The following MORC3 variants were observed in gnomAD, a reference collection of about 807,000 sequenced individuals.
MORC3 encodes MORC family CW-type zinc finger protein 3.
MORC3 carries 31 observed loss-of-function variants against 109.1 expected under a neutral mutation model. That is an observed-to-expected ratio of 0.28 (90% CI 0.21 to 0.38). The LOEUF (loss-of-function observed/expected upper bound fraction) is 0.38, where lower values mean the gene tolerates loss of function less well. Among genes scored for constraint, MORC3 ranks in the 10% least tolerant of loss-of-function variants. The probability of loss-of-function intolerance (pLI) is 1.00; values close to 1 mark genes in which losing one functional copy is unlikely to be tolerated. For missense variants in MORC3, 867 were observed against 1,135.8 expected (o/e 0.76, Z 3.40); for synonymous variants, 395 against 380.7 (o/e 1.04, Z -0.44).
chr21:36,339,965 C>G (rs1208842715), intron 5 of MORC3, among the ~76,000 whole-genome samples: 2 of 152,072 alleles, frequency 1.3e-5, no homozygotes, highest in African/African-American at 4.8e-5. Flanking sequence ...TTCAGTTTCC[C>G]CTGCTGGTAA....
chr21:36,349,563 G>A (rs1051813557), intron 9 of MORC3, among the ~76,000 whole-genome samples, 155 bp downstream of exon 9: 3 of 152,162 alleles, frequency 2.0e-5, no homozygotes, highest in Non-Finnish European at 4.4e-5. Flanking sequence ...ACAATTCCTA[G>A]AATGGAAGAT....
At chr21:36,347,745 C>G (rs1316961688) in intron 8 of MORC3, 1 of 152,140 alleles carries the variant, frequency 6.6e-6, no homozygotes, top group African/African-American at 2.4e-5. Flanking sequence ...CACTGTGCTG[C>G]AAAGTCTGGA....
chr21:36,362,711 G>T (rs1460382802), intron 13 of MORC3, among the ~76,000 whole-genome samples: 1 of 151,992 alleles, frequency 6.6e-6, no homozygotes, highest in African/African-American at 2.4e-5. Flanking sequence ...CTTATATTGT[G>T]TAGTGCTTAG....
chr21:36,375,145 T>C lies in MORC3; in HGVS notation c.2669T>C (p.Leu890Pro), dbSNP rs2085915785. 1.2e-6 allele frequency: 2 copies of C among 1,610,914 alleles called. No homozygotes were observed. Among genetic ancestry groups the C allele is most frequent in the Non-Finnish European group, 1.7e-6 (2 of 1,178,966 alleles). Residue 890 changes from leucine (L) to proline (P), a missense_variant and splice_region_variant, in exon 17 of 17, where the codon CTC (leucine) becomes CCC (proline). By Grantham distance (98) the Leu-to-Pro change is moderately conservative. Transcript: ENST00000400485. Reference sequence around the variant, plus strand: ...AAGTTACATATTTGTATTTGCAGCCTCAAACTCCGATCTCTTCGAGTTAAC... The same window carrying C: ...AAGTTACATATTTGTATTTGCAGCCCCAAACTCCGATCTCTTCGAGTTAAC... The part of the protein sequence containing the change: ...ESVNHMDGES[L>P]KLRSLRVNVG...
chr21:36,362,056 G>A (rs2085723222), intron 12 of MORC3, 127 bp from the exon 13 acceptor site: 8 of 1,001,698 alleles, frequency 8.0e-6, no homozygotes, highest in Non-Finnish European at 1.2e-5. Flanking sequence ...TTCCTGAAGG[G>A]CTTACTGTTG....
At chr21:36,368,465 T>G (rs2085805792) in intron 14 of MORC3, among the ~76,000 whole-genome samples, 1 of 152,198 alleles carries the variant, frequency 6.6e-6, no homozygotes, top group Non-Finnish European at 1.5e-5. Context: ...CAAAGAGATC[T>G]CAATAGTCCA....
Position 36,372,365 on chromosome 21 carries a change from TTTTG to T in MORC3, c.2509-6_2509-3del. 1.3e-6 allele frequency: 2 copies of T among 1,553,852 alleles called. No individual in the cohort carries two copies. The highest frequency in any genetic ancestry group is 1.4e-5 in the African/African-American group (1 of 72,184). On this transcript the variant is annotated splice_region_variant and splice_polypyrimidine_tract_variant and intron_variant, in intron 15 of 16. Transcript: ENST00000400485. ...TTACAGTTATAAAGCTCATTTATAT[TTTTG>T]TTAGGTTGAATTGCTGGAAATGGAA...
chr21:36,330,893 G>GA (rs1480644948), intron 1 of MORC3, among the ~76,000 whole-genome samples: 4 of 152,210 alleles, frequency 2.6e-5, no homozygotes, highest in African/African-American at 7.2e-5. Context: ...GTGTGCTTTA[G>GA]AAAGTCTTGA....
chr21:36,344,844 A>G (rs2085490494), intron 7 of MORC3, 68 bp from the exon 8 acceptor site: 24 of 1,602,214 alleles, frequency 1.5e-5, no homozygotes, highest in Non-Finnish European at 2.0e-5. Context: ...CTTACCAAAT[A>G]ATGAAATAGA....
intron 9 of MORC3, among the ~76,000 whole-genome samples, chr21:36,356,200 A>G (rs921500238): frequency 6.6e-6 from 1 of 152,192 alleles, no homozygotes. Context: ...TTGACTGCAA[A>G]TGAAACCACC....
intron 1 of MORC3, among the ~76,000 whole-genome samples, chr21:36,323,912 G>A (rs1476620228): frequency 6.7e-6 from 1 of 149,056 alleles, no homozygotes; most frequent in African/African-American, 2.5e-5. Flanking sequence ...TTTCGCTCTT[G>A]TTGCCCAGAC....
At chr21:36,329,665 A>G (rs2085291676) in intron 1 of MORC3, among the ~76,000 whole-genome samples, 1 of 152,196 alleles carries the variant, frequency 6.6e-6, no homozygotes, top group South Asian at 2.1e-4. Flanking sequence ...TCAGGCCATG[A>G]CAGGAAGTTG....
At position 36,333,782 on chromosome 21, in the gene MORC3, T is replaced by G. The variant is rs377063458; in HGVS notation, c.112+64T>G. 7.1e-4 allele frequency: 961 copies of G among 1,349,672 alleles called. 8 individuals are homozygous for G. Among genetic ancestry groups the G allele is most frequent in the Non-Finnish European group, 6.3e-4 (616 of 970,230 alleles). 83.6% of individuals were successfully genotyped at this position (1,349,672 alleles called of 1,614,324 possible). A position where few individuals can be genotyped will look rare whatever the true frequency, so the allele number is the denominator to read the frequency against. ...CAATTGTAGTGTTTTTTTTTTTGTTTTGTTTTGTTTTTTTTTTTTAAACAG... is the reference window on the plus strand; with the variant it reads ...CAATTGTAGTGTTTTTTTTTTTGTTGTGTTTTGTTTTTTTTTTTTAAACAG... On this transcript the variant is annotated intron_variant, in intron 2 of 16. Transcript: ENST00000400485.
intron 6 of MORC3, among the ~76,000 whole-genome samples, chr21:36,343,419 A>AT (rs2085473026): frequency 6.7e-6 from 1 of 148,778 alleles, no homozygotes; most frequent in Admixed American, 6.8e-5. Context: ...AGTTGTTTTG[A>AT]TAAGACATGT....
rs780970385 is a variant in MORC3 at position 36,337,925 on chromosome 21, A to G, written c.439A>G (p.Ile147Val). 3.1e-6 allele frequency: 5 copies of G among 1,614,044 alleles called. No homozygotes were observed. The highest frequency in any genetic ancestry group is 2.2e-5 in the South Asian group (2 of 91,080). Residue 147 changes from isoleucine (I) to valine (V), a missense_variant, in exon 4 of 17, where the codon ATA becomes GTA. Transcript: ENST00000400485. ...VIKAEHVVVP[I>V]VAFNKHRQMI... ...AAAAGCGGAGCATGTTGTTGTTCCA[A>G]TAGTGGCATTCAACAAGCACCATAT... is the stretch of plus-strand genomic sequence containing the variant.
intron 8 of MORC3, among the ~76,000 whole-genome samples, chr21:36,346,823 A>G (rs1430222372): frequency 6.6e-6 from 1 of 151,574 alleles, no homozygotes; most frequent in Non-Finnish European, 1.5e-5. Context: ...AAACAAACAA[A>G]CAAAAATCGT....
rs559630727 is a variant in MORC3 at position 36,363,956 on chromosome 21, T to C, written c.1453-137T>C. Reference sequence around the variant, plus strand: ...TTGGTTTACTTGTTGATTCCTGGTATAGCACAAGGAATTTACATGTTTGGA... The same window carrying C: ...TTGGTTTACTTGTTGATTCCTGGTACAGCACAAGGAATTTACATGTTTGGA... On this transcript the variant is annotated intron_variant, in intron 13 of 16. Coordinates refer to ENST00000400485, the MANE Select transcript of MORC3 (RefSeq NM_015358.3). 4.3e-4 allele frequency: 385 copies of C among 889,168 alleles called. 5 individuals carry two copies. In the South Asian group the frequency reaches 5.1e-3, roughly 12 times the overall value. The allele number at this position is 889,168 out of a possible 1,614,324, so 55.1% of individuals were successfully genotyped here. A position where few individuals can be genotyped will look rare whatever the true frequency, so the allele number is the denominator to read the frequency against.
chr21:36,351,572 CTCCAGGTATA>C (rs1041552011), intron 9 of MORC3, among the ~76,000 whole-genome samples: 1 of 151,560 alleles, frequency 6.6e-6, no homozygotes, highest in Non-Finnish European at 1.5e-5. Context: ...ATGTAATGTC[CTCCAGGTATA>C]TCCATTTATA....
chr21:36,340,381 C>T (rs191365908), intron 5 of MORC3, among the ~76,000 whole-genome samples: 3 of 152,078 alleles, frequency 2.0e-5, no homozygotes, highest in Non-Finnish European at 2.9e-5. Context: ...CACAGGAATC[C>T]CTCATGTTGC....
Sources: allele counts gnomAD v4.1 joint callset (sites outside exome capture counted in the v4.1 genomes callset), GRCh38; gene constraint gnomAD v4.1.1; transcripts MANE v1.5; gene names NCBI Gene and HGNC (gene_info 2026-07-23, HGNC 2026-07-21).